SLMAP: variants seen among roughly 807,000 people sequenced by gnomAD.
SLMAP encodes the protein sarcolemmal membrane-associated protein.
SLMAP carries 44 observed loss-of-function variants against 128.8 expected under a neutral mutation model. The observed-to-expected ratio is 0.34, with a 90% CI of 0.27 to 0.44. SLMAP has a LOEUF of 0.44. Among genes scored for constraint, SLMAP ranks in the 20% least tolerant of loss-of-function variants. The pLI, the probability that SLMAP is intolerant of heterozygous loss-of-function variation, is 1.00. For synonymous variants in SLMAP, 327 were observed against 348.8 expected, an observed-to-expected ratio of 0.94 and a Z score of 0.70; for missense variants, 787 against 985.3, an observed-to-expected ratio of 0.80 and a Z score of 2.69.
chr3:57,866,145 G>A lies in SLMAP; in HGVS notation c.1237+853G>A, dbSNP rs577402542. ...CCCTTAGCCAGGCATTGTGGTGTGCGCCTGTAGTCCCAACTACGTGGGAGG... is the reference window on the plus strand; with the variant it reads ...CCCTTAGCCAGGCATTGTGGTGTGCACCTGTAGTCCCAACTACGTGGGAGG... On this transcript the variant is annotated intron_variant, in intron 13 of 24. Coordinates refer to ENST00000671191, the MANE Select transcript of SLMAP (RefSeq NM_001377540.1). Among the ~76,000 whole-genome samples, 11 of 152,176 alleles carry A rather than the reference G, an allele frequency of 7.2e-5. No homozygotes were observed. The East Asian group carries it at 1.9e-3, about 27-fold the overall frequency.
At chr3:57,894,512 G>A (rs538875292) in intron 15 of SLMAP, among the ~76,000 whole-genome samples, 1 of 152,292 alleles carries the variant, frequency 6.6e-6, no homozygotes, top group South Asian at 2.1e-4. Context: ...TGTACAAACA[G>A]TGAAATCAGG....
intron 14 of SLMAP, among the ~76,000 whole-genome samples, chr3:57,889,408 AAGGAGACCAACTGACATAC>A (rs2095999925): frequency 2.0e-5 from 3 of 152,250 alleles, no homozygotes; most frequent in Admixed American, 1.3e-4. Flanking sequence ...GAATAAATTG[AAGGAGACCAACTGACATAC>A]AGGAGTAAAT....
intron 2 of SLMAP, among the ~76,000 whole-genome samples, chr3:57,784,324 G>A (rs62259032): frequency 6.6e-6 from 1 of 152,148 alleles, no homozygotes; most frequent in Non-Finnish European, 1.5e-5. Context: ...GCCTTTGTGA[G>A]CCCAACCTTT....
intron 18 of SLMAP, among the ~76,000 whole-genome samples, chr3:57,908,281 A>G (rs2096614861): frequency 1.3e-5 from 2 of 152,252 alleles, no homozygotes; most frequent in South Asian, 4.1e-4. Flanking sequence ...ATTAAGTACA[A>G]CAGAAGGAAA....
chr3:57,777,286 T>TA (rs1296359295), intron 2 of SLMAP, among the ~76,000 whole-genome samples: 4 of 152,018 alleles, frequency 2.6e-5, no homozygotes, highest in South Asian at 4.1e-4. Context: ...TTGACTTTTT[T>TA]AAAAAAACCT....
At chr3:57,910,557 T>G (rs966428865) in intron 19 of SLMAP, among the ~76,000 whole-genome samples, 1 of 152,204 alleles carries the variant, frequency 6.6e-6, no homozygotes, top group Non-Finnish European at 1.5e-5. Context: ...GCTGTTCTTC[T>G]TATCACCATT....
chr3:57,917,147 G>T, intron 22 of SLMAP, 70 bp downstream of exon 22: 1 of 1,601,796 alleles, frequency 6.2e-7, no homozygotes, highest in Non-Finnish European at 8.5e-7. Context: ...GGATATCCAT[G>T]CTAGTTAGAA....
chr3:57,919,662 C>T (rs1019594068), intron 22 of SLMAP, among the ~76,000 whole-genome samples: 4 of 151,586 alleles, frequency 2.6e-5, no homozygotes, highest in East Asian at 1.9e-4. Flanking sequence ...GGCATGGTGG[C>T]GCATGCCTGT....
At chr3:57,826,070 T>A (rs1392959180) in intron 2 of SLMAP, among the ~76,000 whole-genome samples, 9 of 152,160 alleles carry the variant, frequency 5.9e-5, no homozygotes, top group Non-Finnish European at 1.2e-4. Flanking sequence ...TTACCCTTTT[T>A]AAAACCTTTT....
intron 4 of SLMAP, among the ~76,000 whole-genome samples, chr3:57,843,771 C>CTTTTTTT (rs1452471124): frequency 2.2e-5 from 2 of 90,362 alleles, no homozygotes; most frequent in South Asian, 4.0e-4. Context: ...TCTTTCTTTT[C>CTTTTTTT]TTTCTTTTTT....
In SLMAP at chr3:57,914,522, G is replaced by A. The variant is rs138032284; in HGVS notation, c.2138+1247G>A. On this transcript the variant is annotated intron_variant, in intron 21 of 24. Transcript: ENST00000671191. ...GTCAAAACTATAAATATATGTATATGATATATATCATATATGAAATACATA... is the reference window on the plus strand; with the variant it reads ...GTCAAAACTATAAATATATGTATATAATATATATCATATATGAAATACATA... Among the ~76,000 whole-genome samples, 388 of 151,766 alleles carry A rather than the reference G, an allele frequency of 2.6e-3. 2 individuals carry two copies. The highest frequency in any genetic ancestry group is 8.6e-3 in the African/African-American group (355 of 41,392).
intron 2 of SLMAP, among the ~76,000 whole-genome samples, chr3:57,806,200 C>T (rs533510161): frequency 6.6e-6 from 1 of 152,168 alleles, no homozygotes; most frequent in Non-Finnish European, 1.5e-5. Flanking sequence ...AATGCTCTCC[C>T]TCCCTTCGCC....
intron 2 of SLMAP, among the ~76,000 whole-genome samples, chr3:57,791,004 G>A (rs545704541): frequency 6.6e-6 from 1 of 152,218 alleles, no homozygotes; most frequent in South Asian, 2.1e-4. Context: ...AGGGGATGGG[G>A]GAAGAGGAAT....
chr3:57,927,141 T>C (rs76634648), intron 24 of SLMAP, 155 bp from the exon 25 acceptor site: 134 of 343,376 alleles, frequency 3.9e-4, no homozygotes, highest in Middle Eastern at 1.5e-3. Flanking sequence ...ACTCCCTCAC[T>C]TTTTTTTTTC....
chr3:57,884,467 G>A (rs1166573179), intron 14 of SLMAP, among the ~76,000 whole-genome samples: 1 of 152,158 alleles, frequency 6.6e-6, no homozygotes. Context: ...GGCAGCTGCA[G>A]GGCTCTACTC....
intron 2 of SLMAP, chr3:57,801,107 T>C (rs2088218802): frequency 6.5e-6 from 1 of 154,952 alleles, no homozygotes; most frequent in South Asian, 1.9e-4. Context: ...GGATTTATCC[T>C]GGCTTCAAGT....
At chr3:57,794,422 GT>G (rs947582096) in intron 2 of SLMAP, among the ~76,000 whole-genome samples, 1 of 151,962 alleles carries the variant, frequency 6.6e-6, no homozygotes, top group African/African-American at 2.4e-5. Context: ...CAAAATTTAT[GT>G]TTTTTTATGA....
chr3:57,885,924 C>T (rs1575727301), intron 14 of SLMAP, among the ~76,000 whole-genome samples: 1 of 150,222 alleles, frequency 6.7e-6, no homozygotes, highest in African/African-American at 2.4e-5. Flanking sequence ...GCTGGGATTA[C>T]AGGCGTGCAT....
intron 2 of SLMAP, among the ~76,000 whole-genome samples, chr3:57,792,458 C>T (rs934797863): frequency 4.6e-5 from 7 of 151,686 alleles, no homozygotes; most frequent in South Asian, 2.1e-4. Context: ...CTGTGTTTAT[C>T]GTTCTTAGTT....
Sources: gnomAD v4.1 joint callset for allele counts (sites outside exome capture counted in the v4.1 genomes callset) on GRCh38, gnomAD v4.1.1 for gene constraint, MANE v1.5 for transcripts, NCBI Gene and HGNC (gene_info 2026-07-23, HGNC 2026-07-21) for gene names.